Variants in DST observed in about 807,000 individuals in gnomAD.
DST encodes the protein bullous pemphigoid antigen.
In DST, 253 loss-of-function variants were observed where a neutral mutation model predicts 875.2. The ratio of observed to expected loss-of-function variants is 0.29; its 90% CI spans 0.26 to 0.32. DST has a LOEUF of 0.32. Among genes scored for constraint, DST ranks in the 10% least tolerant of loss-of-function variants. DST has a pLI of 1.00. For missense variants in DST, 8,287 were observed against 9,111.6 expected (o/e 0.91, Z 3.68); for synonymous variants, 3,124 against 3,197.1 (o/e 0.98, Z 0.77).
intron 8 of DST, 68 bp from the exon 9 acceptor site, chr6:56,699,813 C>T: frequency 1.6e-6 from 1 of 639,618 alleles, no homozygotes; most frequent in Non-Finnish European, 2.5e-6. Flanking sequence ...TCTTTACCTA[C>T]ATAAAAGCAA....
intron 61 of DST, among the ~76,000 whole-genome samples, chr6:56,539,766 CATA>C (rs1454363082): frequency 6.6e-6 from 1 of 152,100 alleles, no homozygotes; most frequent in Non-Finnish European, 1.5e-5. Context: ...CAAAGTACAG[CATA>C]ATAACTCTAC....
chr6:56,752,762 T>C (rs2099591281), intron 4 of DST, among the ~76,000 whole-genome samples: 1 of 152,218 alleles, frequency 6.6e-6, no homozygotes, highest in African/African-American at 2.4e-5. Context: ...TAGCAGTTTG[T>C]ATTACTATAA....
intron 47 of DST, among the ~76,000 whole-genome samples, chr6:56,597,008 T>A (rs911798722): frequency 6.6e-6 from 1 of 152,066 alleles, no homozygotes; most frequent in Non-Finnish European, 1.5e-5. Flanking sequence ...TTTGGGAGGA[T>A]GTGGGCGGAA....
intron 40 of DST, 41 bp from the exon 41 acceptor site, chr6:56,603,754 G>A (rs1215310940): frequency 1.9e-6 from 3 of 1,580,124 alleles, no homozygotes; most frequent in East Asian, 4.5e-5. Context: ...TAACCTTTAT[G>A]CAGATGTTTA....
intron 3 of DST, among the ~76,000 whole-genome samples, chr6:56,898,757 C>A (rs1792645762): frequency 6.6e-6 from 1 of 152,208 alleles, no homozygotes; most frequent in African/African-American, 2.4e-5. Context: ...CTACTTTGTA[C>A]TTGGTAAATT....
intron 2 of DST, among the ~76,000 whole-genome samples, chr6:56,948,219 A>AT (rs921786724): frequency 1.3e-5 from 2 of 151,594 alleles, no homozygotes; most frequent in African/African-American, 2.4e-5. Flanking sequence ...TCAGCATACG[A>AT]TTTTTTTTTC....
intron 77 of DST, among the ~76,000 whole-genome samples, chr6:56,505,836 TA>T (rs543619565): frequency 0.038 from 5,810 of 151,180 alleles, 136 homozygotes; most frequent in African/African-American, 0.053. Flanking sequence ...TTTTTAATAT[TA>T]AAAAAAAACC....
At position 56,555,477 on chromosome 6, in the gene DST, T is replaced by G. The variant is rs201900709; in HGVS notation, c.15004A>C (p.Lys5002Gln). 1.2e-4 allele frequency: 195 copies of G among 1,614,030 alleles called. No individual in the cohort carries two copies. In the African/African-American group the frequency reaches 2.4e-3, roughly 20 times the overall value. Residue 5002 changes from lysine to glutamine, a missense_variant, in exon 60 of 104, where the codon AAG becomes CAG. Coordinates refer to ENST00000680361, the MANE Select transcript of DST (RefSeq NM_001374736.1). ...AGTGCCTGGGCCACTTTTATCTGCTTCTTTTCCTGCTGTATCTCCTGCTTC... is the reference window on the plus strand; with the variant it reads ...AGTGCCTGGGCCACTTTTATCTGCTGCTTTTCCTGCTGTATCTCCTGCTTC... ...KMKQEIQQEK[K>Q]QIKVAQALCE...
intron 12 of DST, among the ~76,000 whole-genome samples, chr6:56,650,325 CAA>C (rs70989721): frequency 3.7e-3 from 180 of 48,680 alleles, no homozygotes; most frequent in African/African-American, 0.013. Flanking sequence ...CATAACCACC[CAA>C]AAAAAAAAAA....
intron 36 of DST, chr6:56,620,174 A>T: frequency 6.2e-7 from 1 of 1,613,366 alleles, no homozygotes; most frequent in Non-Finnish European, 8.5e-7. Context: ...CAGCTTCAAG[A>T]GTTCTTCCTC....
intron 5 of DST, among the ~76,000 whole-genome samples, chr6:56,721,257 C>A (rs1252803561): frequency 6.6e-6 from 1 of 152,188 alleles, no homozygotes; most frequent in East Asian, 1.9e-4. Context: ...TTTCAACATG[C>A]CCAGATTTCA....
At chr6:56,459,336 G>A (rs1463501998) in intron 103 of DST, 69 bp from the exon 104 acceptor site, 13 of 1,479,956 alleles carry the variant, frequency 8.8e-6, no homozygotes, top group East Asian at 2.4e-5. Flanking sequence ...TTTGAAACCC[G>A]ATGCCACCTT....
At chr6:56,701,401 T>C (rs1256197835) in intron 8 of DST, among the ~76,000 whole-genome samples, 2 of 152,100 alleles carry the variant, frequency 1.3e-5, no homozygotes, top group African/African-American at 4.8e-5. Context: ...AATTTTCCAA[T>C]ATTATCTACT....
intron 4 of DST, among the ~76,000 whole-genome samples, chr6:56,736,743 A>T (rs1357633581): frequency 1.3e-5 from 2 of 152,266 alleles, no homozygotes; most frequent in Non-Finnish European, 1.5e-5. Context: ...TTGAATGTAA[A>T]CAAAAGTATA....
chr6:56,553,454 A>G lies in DST; in HGVS notation c.15338T>C (p.Met5113Thr). ...FSKTLTAQSH[M>T]YEKTIAEGEN... ...ACCTTCTGCAATGGTTTTTTCATAC[A>G]TATGAGACTGAGCGGTCAAAGTTTT... The change falls in exon 61 of 104, where the codon ATG becomes ACG. Residue 5113 changes from methionine to threonine, a missense_variant. Transcript: ENST00000680361. 3 of 1,611,724 alleles carry G rather than the reference A, an allele frequency of 1.9e-6. No individual in the cohort carries two copies. Among genetic ancestry groups the G allele is most frequent in the South Asian group, 1.1e-5 (1 of 90,532 alleles).
Position 56,573,755 on chromosome 6 carries a change from A to G in DST, c.13160T>C (p.Val4387Ala). The G allele has an allele frequency of 6.2e-7, 1 of 1,613,738 alleles. No individual in the cohort carries two copies. Among genetic ancestry groups the G allele is most frequent in the Non-Finnish European group, 8.5e-7 (1 of 1,179,720 alleles). The change falls in exon 51 of 104, where the codon GTG becomes GCG. Residue 4387 changes from valine (V) to alanine (A), a missense_variant. By Grantham distance (64) the Val-to-Ala change is moderately conservative. Transcript: ENST00000680361. ...LDEMLDWMGN[V>A]ESSLKEQGQV... ...ACCTTGTTCTTTCAGAGAACTTTCC[A>G]CATTTCCCATCCAGTCCAGCATTTC...
chr6:56,617,352 C>G, intron 36 of DST: 1 of 1,614,020 alleles, frequency 6.2e-7, no homozygotes, highest in Non-Finnish European at 8.5e-7. Context: ...GCACTGGGAA[C>G]TGGGTTCTTT....
At chr6:56,505,176 C>T (rs1015849126) in intron 77 of DST, among the ~76,000 whole-genome samples, 1 of 152,164 alleles carries the variant, frequency 6.6e-6, no homozygotes, top group Non-Finnish European at 1.5e-5. Flanking sequence ...CTAGCTACAG[C>T]TAGCTGTACT....
At chr6:56,902,755 TA>T (rs1794717434) in intron 2 of DST, among the ~76,000 whole-genome samples, 1 of 152,210 alleles carries the variant, frequency 6.6e-6, no homozygotes, top group Non-Finnish European at 1.5e-5. Context: ...CAGGAGGTAC[TA>T]CAGCAGCTGC....
Sources: gnomAD v4.1 joint callset for allele counts (sites outside exome capture counted in the v4.1 genomes callset) on GRCh38, gnomAD v4.1.1 for gene constraint, MANE v1.5 for transcripts, NCBI Gene and HGNC (gene_info 2026-07-23, HGNC 2026-07-21) for gene names.